MMD2: variants seen among roughly 807,000 people sequenced by gnomAD.
MMD2 encodes the protein monocyte to macrophage differentiation factor 2.
Under a neutral mutation model 33.5 loss-of-function variants are expected in MMD2, and 30 were observed. The observed-to-expected ratio is 0.90, with a 90% CI of 0.67 to 1.22. The LOEUF (loss-of-function observed/expected upper bound fraction) is 1.22. Among genes scored for constraint, MMD2 ranks in the 50% most tolerant of loss-of-function variants. The pLI, the probability that MMD2 is intolerant of heterozygous loss-of-function variation, is 0.00. For synonymous variants in MMD2, 129 were observed against 123.0 expected (o/e 1.05, Z -0.32); for missense variants, 364 against 325.4 (o/e 1.12, Z -0.91).
At chr7:4,896,260 G>A in the MMD2 span, among the ~76,000 whole-genome samples, 1 of 152,094 alleles carries the variant, frequency 6.6e-6, no homozygotes, top group Non-Finnish European at 1.5e-5. Flanking sequence ...CGGGTGGACT[G>A]CCTGAGCTCA....
intron 1 of MMD2, among the ~76,000 whole-genome samples, chr7:4,935,792 G>C (rs1021063007): frequency 6.6e-6 from 1 of 151,882 alleles, no homozygotes; most frequent in African/African-American, 2.4e-5. Context: ...CCCTGTACTT[G>C]AATTATGTAA....
chr7:4,935,075 C>T (rs1785700367), intron 1 of MMD2, among the ~76,000 whole-genome samples: 1 of 151,992 alleles, frequency 6.6e-6, no homozygotes, highest in Admixed American at 6.6e-5. Flanking sequence ...AATTCCAGCT[C>T]CTCAGGAGGC....
chr7:4,905,446 G>A (rs960738560), downstream of MMD2, among the ~76,000 whole-genome samples: 31 of 151,036 alleles, frequency 2.1e-4, no homozygotes, highest in Non-Finnish European at 1.0e-4. The surrounding 1 kb of genome is among the most constrained non-coding windows in gnomAD (Gnocchi z 5.0). Flanking sequence ...AGGGAAGAAG[G>A]AGAGGAATGG....
In MMD2 at chr7:4,940,124, C is replaced by A. The variant is rs181050463; in HGVS notation, c.48-14592G>T. Among the ~76,000 whole-genome samples, 2 of 152,256 alleles carry A rather than the reference C, an allele frequency of 1.3e-5. No homozygotes were observed. The highest frequency in any genetic ancestry group is 2.4e-5 in the African/African-American group (1 of 41,572). On this transcript the variant is annotated intron_variant, in intron 1 of 6. Coordinates refer to ENST00000401401, the MANE Select transcript of MMD2 (RefSeq NM_198403.4). The surrounding 1 kb of genome is among the most constrained non-coding windows in gnomAD (Gnocchi z 5.0). ...ACGCCAGGAGAGTGGCTGCCCTTGA[C>A]GGTAGTGAGGACTGACTAATGGGGT...
chr7:4,898,894 G>C, the MMD2 span, among the ~76,000 whole-genome samples: 1 of 151,874 alleles, frequency 6.6e-6, no homozygotes, highest in East Asian at 1.9e-4. Flanking sequence ...GTGAGACTCT[G>C]TCTCAGAAAA....
Position 4,906,582 on chromosome 7 carries a change from A to G in MMD2, c.*814T>C. 1 of 398,414 alleles carries G rather than the reference A, an allele frequency of 2.5e-6. No individual in the cohort carries two copies. The highest frequency in any genetic ancestry group is 4.4e-6 in the Non-Finnish European group (1 of 226,034). 24.7% of individuals were successfully genotyped at this position (398,414 alleles called of 1,614,324 possible). Reference sequence around the variant, plus strand: ...CCAAGTAACAGCATCCTCATTCCCAACTCTACTGAGAATCAACTACGGTGG... The same window carrying G: ...CCAAGTAACAGCATCCTCATTCCCAGCTCTACTGAGAATCAACTACGGTGG... On this transcript the variant is annotated 3_prime_UTR_variant, in exon 7 of 7. Transcript: ENST00000401401.
At chr7:4,950,066 C>T (rs1339030184) in intron 1 of MMD2, among the ~76,000 whole-genome samples, 3 of 133,882 alleles carry the variant, frequency 2.2e-5, no homozygotes, top group Non-Finnish European at 4.7e-5. Context: ...TCATTAAGTA[C>T]ATTCACCTTC....
At chr7:4,942,285 G>T (rs1171078578) in intron 1 of MMD2, among the ~76,000 whole-genome samples, 4 of 138,814 alleles carry the variant, frequency 2.9e-5, no homozygotes, top group East Asian at 2.0e-4. Flanking sequence ...CTGTAGAGAT[G>T]GGGGGGGTCT....
At chr7:4,928,617 T>A (rs1785494042) in intron 1 of MMD2, among the ~76,000 whole-genome samples, 1 of 151,952 alleles carries the variant, frequency 6.6e-6, no homozygotes. Flanking sequence ...TTGAGCACCT[T>A]CTGTGTGCTG....
At chr7:4,898,567 G>A in the MMD2 span, among the ~76,000 whole-genome samples, 6 of 152,168 alleles carry the variant, frequency 3.9e-5, no homozygotes, top group South Asian at 2.1e-4. Flanking sequence ...CAAATTCTAC[G>A]TTGAAAACCT....
At chr7:4,937,428 G>GAGAA (rs937263715) in intron 1 of MMD2, among the ~76,000 whole-genome samples, 2 of 151,110 alleles carry the variant, frequency 1.3e-5, no homozygotes, top group Non-Finnish European at 3.0e-5. Flanking sequence ...AAGAAAGAAA[G>GAGAA]AGAAAGAAAG....
chr7:4,929,304 C>T (rs1477119860), intron 1 of MMD2, among the ~76,000 whole-genome samples: 1 of 152,064 alleles, frequency 6.6e-6, no homozygotes, highest in Non-Finnish European at 1.5e-5. Flanking sequence ...AGAGAGACAC[C>T]AACCCCCATC....
At position 4,906,602 on chromosome 7, in the gene MMD2, C is replaced by T. The variant is rs908582454; in HGVS notation, c.*794G>A. 2 of 398,526 alleles carry T rather than the reference C, an allele frequency of 5.0e-6. No homozygotes were observed. Among genetic ancestry groups the T allele is most frequent in the Non-Finnish European group, 8.8e-6 (2 of 226,026 alleles). The allele number at this position is 398,526 out of a possible 1,614,324, so 24.7% of individuals were successfully genotyped here. A position where few individuals can be genotyped will look rare whatever the true frequency, so the allele number is the denominator to read the frequency against. On this transcript the variant is annotated 3_prime_UTR_variant, in exon 7 of 7. Transcript: ENST00000401401. ...TCCCAACTCTACTGAGAATCAACTACGGTGGAACAGAACATCAGGGGCTGC... is the reference window on the plus strand; with the variant it reads ...TCCCAACTCTACTGAGAATCAACTATGGTGGAACAGAACATCAGGGGCTGC...
intron 1 of MMD2, among the ~76,000 whole-genome samples, chr7:4,954,087 C>T (rs1174432707): frequency 1.3e-5 from 2 of 152,118 alleles, no homozygotes; most frequent in Non-Finnish European, 2.9e-5. Context: ...GCACCTCAGC[C>T]TCCCAAAGCA....
intron 1 of MMD2, among the ~76,000 whole-genome samples, chr7:4,935,548 G>T (rs1414527332): frequency 2.0e-5 from 3 of 151,436 alleles, no homozygotes; most frequent in Non-Finnish European, 4.4e-5. Context: ...GTGGTGGCAT[G>T]CATCTATACT....
intron 1 of MMD2, among the ~76,000 whole-genome samples, chr7:4,948,649 G>A (rs1786157517): frequency 6.6e-6 from 1 of 152,162 alleles, no homozygotes; most frequent in South Asian, 2.1e-4. Context: ...TGGGATTAGT[G>A]CCCTTAGAAG....
the MMD2 span, among the ~76,000 whole-genome samples, chr7:4,895,701 T>A: frequency 6.6e-6 from 1 of 152,094 alleles, no homozygotes; most frequent in Non-Finnish European, 1.5e-5. Flanking sequence ...CACATCTGGC[T>A]AATGTTTGTA....
At chr7:4,930,709 G>T (rs999745670) in intron 1 of MMD2, among the ~76,000 whole-genome samples, 93 of 151,506 alleles carry the variant, frequency 6.1e-4, no homozygotes, top group Admixed American at 1.3e-3. Flanking sequence ...ACACGGGGAC[G>T]ACAGCCATGT....
At chr7:4,936,499 T>C (rs1002909839) in intron 1 of MMD2, among the ~76,000 whole-genome samples, 1 of 152,140 alleles carries the variant, frequency 6.6e-6, no homozygotes, top group Admixed American at 6.6e-5. Context: ...TTTGAATCTT[T>C]ATAAGATTGT....
Sources: gnomAD v4.1 joint callset for allele counts (sites outside exome capture counted in the v4.1 genomes callset) on GRCh38, gnomAD v4.1.1 for gene constraint, Gnocchi (gnomAD v3.1) non-coding constraint, MANE v1.5 for transcripts, NCBI Gene and HGNC (gene_info 2026-07-23, HGNC 2026-07-21) for gene names.